The following LSAMP variants were observed in gnomAD, a reference collection of about 807,000 sequenced individuals.
LSAMP encodes the protein limbic system associated membrane protein.
In LSAMP, 7 loss-of-function variants were observed where a neutral mutation model predicts 38.6. The ratio of observed to expected loss-of-function variants is 0.18; its 90% confidence interval spans 0.10 to 0.34. The LOEUF (loss-of-function observed/expected upper bound fraction) is 0.34, where lower values mean the gene tolerates loss of function less well. LSAMP is among the 10% of genes least tolerant of loss of function. The probability of loss-of-function intolerance (pLI) is 1.00; values close to 1 mark genes in which losing one functional copy is unlikely to be tolerated. For missense variants in LSAMP, 313 were observed against 420.0 expected (o/e 0.75, Z 2.23); for synonymous variants, 154 against 166.8 (o/e 0.92, Z 0.59).
At chr3:116,121,894 T>C (rs945081789) in intron 1 of LSAMP, among the ~76,000 whole-genome samples, 9 of 151,730 alleles carry the variant, frequency 5.9e-5, no homozygotes, top group African/African-American at 2.2e-4. Context: ...GATTTTTTTT[T>C]TTTTTTTTTT....
rs371590311 is a variant in LSAMP, at chr3:115,839,415, A to T, written c.919+2430T>A. The stretch of plus-strand genomic sequence containing the variant: ...TTCTAGCTATGCAGGTTGTAACAAT[A>T]GACCTCCCAAAACTAACTGGTGGTG... On this transcript the variant is annotated intron_variant, in intron 6 of 6. Transcript: ENST00000490035. Among the ~76,000 whole-genome samples, 325 of 152,016 alleles carry T rather than the reference A, an allele frequency of 2.1e-3. 1 individual carries two copies. The highest frequency in any genetic ancestry group is 7.6e-3 in the African/African-American group (316 of 41,466).
At chr3:116,421,753 T>C (rs2107856203) in intron 1 of LSAMP, among the ~76,000 whole-genome samples, 1 of 152,302 alleles carries the variant, frequency 6.6e-6, no homozygotes, top group East Asian at 1.9e-4. Flanking sequence ...GTCACTTGAA[T>C]GGCTATACCC....
At chr3:116,172,393 C>G (rs552900679) in intron 1 of LSAMP, among the ~76,000 whole-genome samples, 27 of 150,512 alleles carry the variant, frequency 1.8e-4, no homozygotes, top group African/African-American at 6.6e-4. Flanking sequence ...GTTCTTTTAC[C>G]GTAATTGTCA....
At chr3:116,268,203 A>AT (rs995770936) in intron 1 of LSAMP, among the ~76,000 whole-genome samples, 1 of 139,830 alleles carries the variant, frequency 7.2e-6, no homozygotes, top group Non-Finnish European at 1.5e-5. Flanking sequence ...AGGAGTGGCC[A>AT]TTAAAAAAAA....
At position 116,179,168 on chromosome 3, in the gene LSAMP, C is replaced by T. The variant is rs571217430; in HGVS notation, c.156-92612G>A. Among the ~76,000 whole-genome samples, 25 of 152,292 alleles carry T rather than the reference C, an allele frequency of 1.6e-4. No homozygotes were observed. The East Asian group carries it at 4.6e-3, about 28-fold the overall frequency. On this transcript the variant is annotated intron_variant, in intron 1 of 6. Transcript: ENST00000490035. ...AACAAGGACTTACACACTAAGGCTTCTTTCTGTCTGCTTATGCTGCTTCCT... is the reference window on the plus strand; with the variant it reads ...AACAAGGACTTACACACTAAGGCTTTTTTCTGTCTGCTTATGCTGCTTCCT...
intron 1 of LSAMP, among the ~76,000 whole-genome samples, chr3:116,427,105 CTTTCTT>C (rs1346292215): frequency 5.5e-5 from 6 of 108,690 alleles, no homozygotes; most frequent in Admixed American, 1.2e-4. Context: ...TCAGCTCTTT[CTTTCTT>C]TTTTTTTTTT....
chr3:116,152,592 TAATA>T lies in LSAMP; in HGVS notation c.156-66040_156-66037del, dbSNP rs1192155696. On this transcript the variant is annotated intron_variant, in intron 1 of 6. Transcript: ENST00000490035. ...ACATTTATTGTAACAATTAATTGATTAATAAATATTTAATGAGCAACATCTATGT... is the reference window on the plus strand; with the variant it reads ...ACATTTATTGTAACAATTAATTGATTAATATTTAATGAGCAACATCTATGT... Among the ~76,000 whole-genome samples the T allele has an allele frequency of 7.2e-5, 11 of 152,230 alleles. 1 individual carries two copies. Among genetic ancestry groups the T allele is most frequent in the South Asian group, 6.2e-4 (3 of 4,826 alleles).
intron 1 of LSAMP, among the ~76,000 whole-genome samples, chr3:116,183,016 T>G (rs373778127): frequency 2.5e-4 from 38 of 152,024 alleles, no homozygotes; most frequent in African/African-American, 8.9e-4. Flanking sequence ...AAATATTCCT[T>G]TGATCAGTAT....
intron 1 of LSAMP, among the ~76,000 whole-genome samples, chr3:116,111,671 G>A (rs1252928841): frequency 6.6e-6 from 1 of 151,846 alleles, no homozygotes; most frequent in African/African-American, 2.4e-5. Context: ...AATTTGTTTA[G>A]TATATTATTG....
intron 1 of LSAMP, among the ~76,000 whole-genome samples, chr3:116,345,011 G>T (rs1208551035): frequency 6.6e-6 from 1 of 152,134 alleles, no homozygotes; most frequent in Non-Finnish European, 1.5e-5. Context: ...GTGTGTACCT[G>T]TTACATATTT....
chr3:115,889,210 A>G (rs13070724), intron 3 of LSAMP, among the ~76,000 whole-genome samples: 33,498 of 151,846 alleles, frequency 0.22, 3,845 homozygotes, highest in East Asian at 0.34. Flanking sequence ...CTGGATATGA[A>G]TGAAGTTAGT....
At chr3:116,403,104 G>A (rs893138945) in intron 1 of LSAMP, among the ~76,000 whole-genome samples, 1 of 152,112 alleles carries the variant, frequency 6.6e-6, no homozygotes, top group Non-Finnish European at 1.5e-5. Context: ...CAGTCTTTCC[G>A]AACTTGTAGT....
chr3:116,080,872 A>T (rs1405374010), intron 2 of LSAMP, among the ~76,000 whole-genome samples: 1 of 152,242 alleles, frequency 6.6e-6, no homozygotes, highest in Non-Finnish European at 1.5e-5. Context: ...CTTAAAATTT[A>T]AAAAGGAGCT....
intron 1 of LSAMP, among the ~76,000 whole-genome samples, chr3:116,417,230 A>G (rs2049063416): frequency 6.6e-6 from 1 of 152,176 alleles, no homozygotes; most frequent in African/African-American, 2.4e-5. Flanking sequence ...ATCTGTCCTT[A>G]CTACAGTGGA....
chr3:116,106,589 C>G (rs1708473212), intron 1 of LSAMP, among the ~76,000 whole-genome samples: 1 of 152,032 alleles, frequency 6.6e-6, no homozygotes, highest in Admixed American at 6.6e-5. Flanking sequence ...TAGTCTGTCA[C>G]TGAATACTAA....
intron 1 of LSAMP, among the ~76,000 whole-genome samples, chr3:116,403,304 T>C (rs1287738769): frequency 6.6e-6 from 1 of 152,192 alleles, no homozygotes; most frequent in African/African-American, 2.4e-5. Flanking sequence ...TAAAACTACA[T>C]AATTGTGAAT....
intron 1 of LSAMP, among the ~76,000 whole-genome samples, chr3:116,254,804 T>C (rs2107652327): frequency 6.6e-6 from 1 of 152,314 alleles, no homozygotes; most frequent in South Asian, 2.1e-4. Flanking sequence ...AATGTATTTT[T>C]CCACAAACCT....
intron 3 of LSAMP, among the ~76,000 whole-genome samples, chr3:116,015,725 C>G (rs1940460914): frequency 6.6e-6 from 1 of 151,864 alleles, no homozygotes; most frequent in Admixed American, 6.6e-5. Flanking sequence ...AAGGAAATTT[C>G]AGATGCAAAA....
intron 1 of LSAMP, among the ~76,000 whole-genome samples, chr3:116,126,994 G>A (rs1285747933): frequency 3.9e-5 from 6 of 152,322 alleles, no homozygotes; most frequent in African/African-American, 1.4e-4. Flanking sequence ...GGCATTTTGT[G>A]AAATAGAAAT....
Sources: allele counts gnomAD v4.1 joint callset (sites outside exome capture counted in the v4.1 genomes callset), GRCh38; gene constraint gnomAD v4.1.1; transcripts MANE v1.5; gene names NCBI Gene and HGNC (gene_info 2026-07-23, HGNC 2026-07-21).